Variants in GRB2 observed in about 807,000 individuals in gnomAD.
GRB2 encodes the protein growth factor receptor-bound protein 2.
GRB2 carries 2 observed loss-of-function variants against 27.4 expected under a neutral mutation model. That is an observed-to-expected ratio of 0.07 (90% CI 0.03 to 0.23). The LOEUF is 0.23. Among genes scored for constraint, GRB2 ranks in the 10% least tolerant of loss-of-function variants. GRB2 has a pLI of 1.00. For synonymous variants in GRB2, 94 were observed against 99.6 expected (o/e 0.94, Z 0.33); for missense variants, 102 against 282.4 (o/e 0.36, Z 4.58).
At chr17:75,349,482 C>T (rs1262126023) in intron 2 of GRB2, among the ~76,000 whole-genome samples, 3 of 149,274 alleles carry the variant, frequency 2.0e-5, no homozygotes, top group Non-Finnish European at 3.0e-5. Context: ...GGGGCTGGTT[C>T]GAGCCTTCTG....
chr17:75,393,734 C>A lies in GRB2; in HGVS notation c.-106G>T. 1 of 810,710 alleles carries A rather than the reference C, an allele frequency of 1.2e-6. No homozygotes were observed. Among genetic ancestry groups the A allele is most frequent in the South Asian group, 1.5e-5 (1 of 68,834 alleles). The allele number at this position is 810,710 out of a possible 1,614,324, so 50.2% of individuals were successfully genotyped here. Reference sequence around the variant, plus strand: ...TTAGCCTCGCCTCTCTTCTGGGACTCGCTCCGGCACTCTGGGACACACAAT... The same window carrying A: ...TTAGCCTCGCCTCTCTTCTGGGACTAGCTCCGGCACTCTGGGACACACAAT... On this transcript the variant is annotated 5_prime_UTR_variant, in exon 2 of 6. Transcript: ENST00000316804.
At chr17:75,341,863 A>G (rs2078623770) in intron 2 of GRB2, among the ~76,000 whole-genome samples, 1 of 152,170 alleles carries the variant, frequency 6.6e-6, no homozygotes, top group Non-Finnish European at 1.5e-5. Context: ...TAACCACCAT[A>G]ATTTTTCTGT....
At chr17:75,391,602 A>G (rs536691514) in intron 2 of GRB2, among the ~76,000 whole-genome samples, 29 of 152,198 alleles carry the variant, frequency 1.9e-4, no homozygotes, top group African/African-American at 6.0e-4. Flanking sequence ...AGGTCAGGAG[A>G]TTGAGATCAT....
intron 2 of GRB2, among the ~76,000 whole-genome samples, chr17:75,378,150 C>A (rs2078906059): frequency 6.6e-6 from 1 of 152,010 alleles, no homozygotes; most frequent in Non-Finnish European, 1.5e-5. Context: ...CTTTGGGAGG[C>A]CGAGGTGGGG....
At chr17:75,344,139 G>A (rs2078639809) in intron 2 of GRB2, among the ~76,000 whole-genome samples, 1 of 152,096 alleles carries the variant, frequency 6.6e-6, no homozygotes, top group African/African-American at 2.4e-5. Flanking sequence ...TTAACTCCAG[G>A]TTAGGGGGTA....
intron 3 of GRB2, among the ~76,000 whole-genome samples, chr17:75,332,059 G>A (rs1220969731): frequency 6.6e-6 from 1 of 152,148 alleles, no homozygotes; most frequent in African/African-American, 2.4e-5. Context: ...TCTGTGCTAG[G>A]AGCAGGGCCT....
chr17:75,397,165 CAA>C (rs1264032697), intron 1 of GRB2, among the ~76,000 whole-genome samples: 1 of 152,094 alleles, frequency 6.6e-6, no homozygotes, highest in Admixed American at 6.5e-5. Flanking sequence ...ACAGAAAACT[CAA>C]AGAGGAAAGC....
chr17:75,332,925 G>GAT, intron 2 of GRB2, 128 bp from the exon 3 acceptor site: 1 of 538,800 alleles, frequency 1.9e-6, no homozygotes, highest in Non-Finnish European at 3.2e-6. Flanking sequence ...CAGTTATACG[G>GAT]ATATAAGACT....
chr17:75,350,781 C>T (rs1396502700), intron 2 of GRB2, among the ~76,000 whole-genome samples: 2 of 152,148 alleles, frequency 1.3e-5, no homozygotes, highest in East Asian at 1.9e-4. Flanking sequence ...CGTGAAGCAC[C>T]GTGCCTGGCC....
chr17:75,360,121 T>C (rs555998689), intron 2 of GRB2, among the ~76,000 whole-genome samples: 7 of 152,292 alleles, frequency 4.6e-5, no homozygotes, highest in South Asian at 4.1e-4. Context: ...GTCTCTAATA[T>C]ACTTAAACAG....
chr17:75,338,086 C>T (rs1037633118), intron 2 of GRB2, among the ~76,000 whole-genome samples: 2 of 151,752 alleles, frequency 1.3e-5, no homozygotes, highest in Non-Finnish European at 1.5e-5. Flanking sequence ...CCCGCCACCA[C>T]GCCTGGCTAA....
At chr17:75,359,840 T>C (rs2078767607) in intron 2 of GRB2, among the ~76,000 whole-genome samples, 1 of 152,186 alleles carries the variant, frequency 6.6e-6, no homozygotes, top group African/African-American at 2.4e-5. Context: ...TTTTCTCTAC[T>C]AAATTGAACT....
chr17:75,358,841 G>C (rs561048531), intron 2 of GRB2, among the ~76,000 whole-genome samples: 1 of 138,220 alleles, frequency 7.2e-6, no homozygotes, highest in East Asian at 2.2e-4. Context: ...CTGAGATTGT[G>C]CCACTGCACT....
At chr17:75,354,534 G>A (rs1022815508) in intron 2 of GRB2, among the ~76,000 whole-genome samples, 1 of 152,094 alleles carries the variant, frequency 6.6e-6, no homozygotes, top group East Asian at 1.9e-4. Flanking sequence ...TAGGTTGCCC[G>A]CTCCTTGTAA....
chr17:75,324,540 A>C (rs1354761009), intron 4 of GRB2, among the ~76,000 whole-genome samples: 1 of 72,748 alleles, frequency 1.4e-5, no homozygotes, highest in Admixed American at 2.0e-4. Context: ...TTTTTTGGAG[A>C]CAGAGTTTTG....
chr17:75,320,340 C>T lies in GRB2; in HGVS notation c.*28G>A, dbSNP rs1362935882. On this transcript the variant is annotated 3_prime_UTR_variant, in exon 6 of 6. Coordinates refer to ENST00000316804, the MANE Select transcript of GRB2 (RefSeq NM_002086.5). The surrounding 1 kb of genome is among the most constrained non-coding windows in gnomAD (Gnocchi z 4.3). ...TTTTGTATGTGTTTTACATTTTTCA[C>T]TTTCTTTAAATAATTGCTTCTTGAC... The T allele has an allele frequency of 6.3e-7, 1 of 1,592,846 alleles. No individual in the cohort carries two copies.
chr17:75,347,447 C>T (rs1396637813), intron 2 of GRB2, among the ~76,000 whole-genome samples: 1 of 152,118 alleles, frequency 6.6e-6, no homozygotes, highest in African/African-American at 2.4e-5. Context: ...TTTAGCCTTT[C>T]TTTGCATGCC....
chr17:75,358,700 TAAAAA>T (rs71159497), intron 2 of GRB2, among the ~76,000 whole-genome samples: 1 of 66,282 alleles, frequency 1.5e-5, no homozygotes, highest in African/African-American at 4.5e-5. Flanking sequence ...CCATCTCTAC[TAAAAA>T]AAAAAAAAAA....
intron 2 of GRB2, among the ~76,000 whole-genome samples, chr17:75,336,520 A>G (rs187508083): frequency 1.1e-4 from 16 of 152,284 alleles, no homozygotes; most frequent in African/African-American, 3.6e-4. Flanking sequence ...AGGAGTTCAT[A>G]GAGCTACACT....
Sources: allele counts gnomAD v4.1 joint callset (sites outside exome capture counted in the v4.1 genomes callset), GRCh38; gene constraint gnomAD v4.1.1; non-coding constraint Gnocchi (gnomAD v3.1); transcripts MANE v1.5; gene names NCBI Gene and HGNC (gene_info 2026-07-23, HGNC 2026-07-21).